Variants in KCND3 observed in about 807,000 individuals in gnomAD.
KCND3 encodes the protein A-type voltage-gated potassium channel KCND3.
In KCND3, 9 loss-of-function variants were observed where a neutral mutation model predicts 51.1. That is an observed-to-expected ratio of 0.18 (90% confidence interval 0.11 to 0.31). The LOEUF is 0.31. Ranked by LOEUF, KCND3 falls within the 10% of genes least tolerant of loss-of-function variation. The pLI, the probability that KCND3 is intolerant of heterozygous loss-of-function variation, is 1.00. For synonymous variants in KCND3, 349 were observed against 368.0 expected (o/e 0.95, Z 0.59); for missense variants, 526 against 903.8 (o/e 0.58, Z 5.36).
At chr1:111,932,814 C>G (rs1672041934) in intron 2 of KCND3, among the ~76,000 whole-genome samples, 1 of 152,148 alleles carries the variant, frequency 6.6e-6, no homozygotes, top group African/African-American at 2.4e-5. Context: ...AACAGGTGGC[C>G]TGGAGATTTA....
At chr1:111,817,337 C>T (rs1037178596) in intron 2 of KCND3, among the ~76,000 whole-genome samples, 3 of 152,172 alleles carry the variant, frequency 2.0e-5, no homozygotes, top group Admixed American at 6.5e-5. Context: ...TGGTACAACT[C>T]TTTGGGAAAG....
At chr1:111,803,542 C>T (rs917506286) in intron 2 of KCND3, among the ~76,000 whole-genome samples, 1 of 152,188 alleles carries the variant, frequency 6.6e-6, no homozygotes, top group African/African-American at 2.4e-5. Flanking sequence ...TTTCTCCTCA[C>T]CCCGTCAGAG....
intron 2 of KCND3, among the ~76,000 whole-genome samples, chr1:111,839,802 T>C (rs756942946): frequency 3.3e-5 from 5 of 152,368 alleles, no homozygotes; most frequent in Admixed American, 3.3e-4. Flanking sequence ...AAAGCTGAGA[T>C]TCAACCAGGT....
At chr1:111,923,538 AG>A (rs1671569070) in intron 2 of KCND3, among the ~76,000 whole-genome samples, 1 of 152,216 alleles carries the variant, frequency 6.6e-6, no homozygotes, top group Non-Finnish European at 1.5e-5. Context: ...GAAAGTTTAT[AG>A]AAGCATCCAA....
At chr1:111,872,204 G>C (rs1668855125) in intron 2 of KCND3, among the ~76,000 whole-genome samples, 1 of 152,198 alleles carries the variant, frequency 6.6e-6, no homozygotes, top group African/African-American at 2.4e-5. Flanking sequence ...TAAGAGGACA[G>C]AGGATGGGGC....
Position 111,797,332 on chromosome 1 carries a change from C to T in KCND3, c.1107-10226G>A, listed in dbSNP as rs567873191. 1.2e-4 allele frequency among the ~76,000 whole-genome samples: 19 copies of T among 152,284 alleles called. 1 individual carries two copies. The South Asian group carries it at 3.3e-3, about 27-fold the overall frequency. ...TGAGGAAACAGACAAAGTCAGACAT[C>T]GGGTGGGAGATCCTGCCTGTTCATC... On this transcript the variant is annotated intron_variant, in intron 2 of 7. Transcript: ENST00000302127.
chr1:111,963,337 G>C (rs1433263744), intron 2 of KCND3, among the ~76,000 whole-genome samples: 1 of 152,262 alleles, frequency 6.6e-6, no homozygotes, highest in Non-Finnish European at 1.5e-5. Context: ...ACCTGAGAGA[G>C]TCAGCTGAAG....
intron 2 of KCND3, among the ~76,000 whole-genome samples, chr1:111,921,626 T>C (rs1671479917): frequency 6.6e-6 from 1 of 152,184 alleles, no homozygotes; most frequent in Non-Finnish European, 1.5e-5. Context: ...TCTTCCCACC[T>C]TTAGGTCTCC....
intron 2 of KCND3, among the ~76,000 whole-genome samples, chr1:111,973,381 G>A (rs1343608448): frequency 6.6e-6 from 1 of 152,220 alleles, no homozygotes; most frequent in African/African-American, 2.4e-5. Context: ...AGATTTCCCA[G>A]TCTCCTAAAC....
At chr1:111,849,217 C>A (rs1048961362) in intron 2 of KCND3, among the ~76,000 whole-genome samples, 1 of 152,176 alleles carries the variant, frequency 6.6e-6, no homozygotes, top group Non-Finnish European at 1.5e-5. Context: ...ACAATACCAC[C>A]AAAAACTCCT....
rs182834030 is a variant in KCND3 at position 111,776,414 on chromosome 1, A to G, written c.1767-136T>C. ...CCTCTATCTCTGCCTTTTGTAATCA[A>G]CTTGTAATTATCCATTCTAATTATT... On this transcript the variant is annotated intron_variant, in intron 7 of 7. Transcript: ENST00000302127. 1.5e-4 allele frequency: 126 copies of G among 817,300 alleles called. 1 individual carries two copies. The East Asian group carries it at 3.3e-3, about 22-fold the overall frequency. The allele number at this position is 817,300 out of a possible 1,614,324, so 50.6% of individuals were successfully genotyped here. A position where few individuals can be genotyped will look rare whatever the true frequency, so the allele number is the denominator to read the frequency against.
At chr1:111,976,413 G>GCTAA (rs1674628178) in intron 2 of KCND3, among the ~76,000 whole-genome samples, 1 of 152,224 alleles carries the variant, frequency 6.6e-6, no homozygotes, top group Non-Finnish European at 1.5e-5. Flanking sequence ...TGACTATATA[G>GCTAA]CTAACATTTT....
At chr1:111,790,245 C>T (rs1300096486) in intron 2 of KCND3, among the ~76,000 whole-genome samples, 2 of 152,120 alleles carry the variant, frequency 1.3e-5, no homozygotes, top group Non-Finnish European at 2.9e-5. Flanking sequence ...TTAACCTGAG[C>T]CTCTATCACT....
intron 1 of KCND3, among the ~76,000 whole-genome samples, chr1:111,985,893 A>G (rs1675249737): frequency 6.6e-6 from 1 of 152,196 alleles, no homozygotes; most frequent in Admixed American, 6.5e-5. Flanking sequence ...GAAAAACAGC[A>G]CAGGCCTGAT....
chr1:111,931,714 C>T lies in KCND3; in HGVS notation c.1106+49907G>A, dbSNP rs904412033. Among the ~76,000 whole-genome samples the T allele has an allele frequency of 8.5e-5, 13 of 152,268 alleles. No individual in the cohort carries two copies. In the East Asian group the frequency reaches 1.2e-3, roughly 14 times the overall value. ...TTAGGGCAGCATCGGCATAGTGCTG[C>T]GTAAGTGCTTGCTAGCATGATTATC... On this transcript the variant is annotated intron_variant, in intron 2 of 7. Coordinates refer to ENST00000302127, the MANE Select transcript of KCND3 (RefSeq NM_001378969.1).
chr1:111,870,943 G>A (rs1478752379), intron 2 of KCND3, among the ~76,000 whole-genome samples: 2 of 152,214 alleles, frequency 1.3e-5, no homozygotes, highest in Non-Finnish European at 2.9e-5. Context: ...ACACATAGGG[G>A]GATGTCACAA....
chr1:111,855,644 T>A (rs1021237861), intron 2 of KCND3, among the ~76,000 whole-genome samples: 2 of 152,142 alleles, frequency 1.3e-5, no homozygotes, highest in African/African-American at 2.4e-5. Context: ...CTGTTCTCTA[T>A]ATGGGTCTAG....
intron 2 of KCND3, among the ~76,000 whole-genome samples, chr1:111,865,225 AG>A (rs1431686870): frequency 5.3e-5 from 8 of 152,358 alleles, no homozygotes; most frequent in African/African-American, 1.9e-4. Flanking sequence ...TTTCACACAT[AG>A]TCTTATTTAA....
chr1:111,840,701 C>T (rs1382802898), intron 2 of KCND3, among the ~76,000 whole-genome samples: 5 of 152,182 alleles, frequency 3.3e-5, no homozygotes. Flanking sequence ...TCCCCTTTGG[C>T]TCTTCTGGCT....
Sources: allele counts gnomAD v4.1 joint callset (sites outside exome capture counted in the v4.1 genomes callset), GRCh38; gene constraint gnomAD v4.1.1; transcripts MANE v1.5; gene names NCBI Gene and HGNC (gene_info 2026-07-23, HGNC 2026-07-21).